Variants in SEMA4D observed in about 807,000 individuals in gnomAD.
The protein encoded by SEMA4D is semaphorin-4D.
SEMA4D carries 22 observed loss-of-function variants against 74.8 expected under a neutral mutation model. The ratio of observed to expected loss-of-function variants is 0.29; its 90% confidence interval spans 0.21 to 0.42. SEMA4D has a LOEUF of 0.42. Among genes scored for constraint, SEMA4D ranks in the 10% least tolerant of loss-of-function variants. The pLI is 1.00. For missense variants in SEMA4D, 937 were observed against 1,118.4 expected, an observed-to-expected ratio of 0.84 and a Z score of 2.31; for synonymous variants, 445 against 463.7, an observed-to-expected ratio of 0.96 and a Z score of 0.52.
At chr9:89,481,179 A>C (rs1160401697) in intron 1 of SEMA4D, among the ~76,000 whole-genome samples, 3 of 152,196 alleles carry the variant, frequency 2.0e-5, no homozygotes, top group Non-Finnish European at 2.9e-5. Context: ...GCTGAAAAAC[A>C]CCATGTTAGG....
At chr9:89,392,361 C>G in intron 8 of SEMA4D, 62 bp downstream of exon 8, 1 of 1,266,890 alleles carries the variant, frequency 7.9e-7, no homozygotes, top group Non-Finnish European at 1.1e-6. Context: ...AAGGAGAGAT[C>G]AACAGGTGTG....
Position 89,378,601 on chromosome 9 carries a change from A to G in SEMA4D, c.*103T>C, listed in dbSNP as rs1306399512. The G allele has an allele frequency of 1.2e-6, 1 of 819,644 alleles. No homozygotes were observed. Among genetic ancestry groups the G allele is most frequent in the African/African-American group, 1.7e-5 (1 of 59,316 alleles). The allele number at this position is 819,644 out of a possible 1,614,324, so 50.8% of individuals were successfully genotyped here. A position where few individuals can be genotyped will look rare whatever the true frequency, so the allele number is the denominator to read the frequency against. ...TTGTCTGCACGATGCGGGCTAACCT[A>G]CGCAGCACTGCACGAGACTCGGATA... On this transcript the variant is annotated 3_prime_UTR_variant, in exon 16 of 16. Coordinates refer to ENST00000422704, the MANE Select transcript of SEMA4D (RefSeq NM_001371194.2).
Position 89,391,453 on chromosome 9 carries a change from G to C in SEMA4D, c.623-38C>G, listed in dbSNP as rs200476277. 307 of 1,608,370 alleles carry C rather than the reference G, an allele frequency of 1.9e-4. 3 individuals carry two copies. The African/African-American group carries it at 3.8e-3, about 20-fold the overall frequency. On this transcript the variant is annotated intron_variant, in intron 8 of 15. Transcript: ENST00000422704. ...GACAGTGATTATCCCAGAACACAGA[G>C]CTGGGGGACTGCCTGCACCCATGAG...
At chr9:89,371,822 C>T (rs1355151527) in intron 16 of SEMA4D, among the ~76,000 whole-genome samples, 1 of 16,962 alleles carries the variant, frequency 5.9e-5, no homozygotes. Context: ...GTGTGTGTGT[C>T]TGGGGTGTGG....
intron 1 of SEMA4D, among the ~76,000 whole-genome samples, chr9:89,482,481 C>T (rs1824797265): frequency 6.6e-6 from 1 of 152,200 alleles, no homozygotes; most frequent in Non-Finnish European, 1.5e-5. Flanking sequence ...CCCCGCAAAG[C>T]TCAGGATAAC....
exon 19 of SEMA4D, chr9:89,362,101 G>A (rs2132157889): frequency 3.6e-6 from 2 of 556,766 alleles, no homozygotes; most frequent in Non-Finnish European, 6.5e-6. Context: ...TAGTTCACGA[G>A]CAGCTATCAA....
In SEMA4D at chr9:89,401,672, A is replaced by G. The variant is rs147765114; in HGVS notation, c.252+1199T>C. On this transcript the variant is annotated intron_variant, in intron 4 of 15. Coordinates refer to ENST00000422704, the MANE Select transcript of SEMA4D (RefSeq NM_001371194.2). Reference sequence around the variant, plus strand: ...TTGTGACACTAAAAATCAATCAAAAAACTCACTCTTGCCCTTCAGAGGGGA... The same window carrying G: ...TTGTGACACTAAAAATCAATCAAAAGACTCACTCTTGCCCTTCAGAGGGGA... 2.5e-3 allele frequency among the ~76,000 whole-genome samples: 373 copies of G among 152,178 alleles called. 2 individuals are homozygous for G. Among genetic ancestry groups the G allele is most frequent in the African/African-American group, 8.2e-3 (339 of 41,510 alleles).
chr9:89,442,148 CCA>C (rs879693757), intron 2 of SEMA4D, among the ~76,000 whole-genome samples: 11,086 of 152,136 alleles, frequency 0.073, 608 homozygotes, highest in East Asian at 0.29. Context: ...TTCCCCTGGC[CCA>C]GGACACATCT....
At chr9:89,473,341 G>A (rs895651276) in intron 1 of SEMA4D, among the ~76,000 whole-genome samples, 4 of 152,068 alleles carry the variant, frequency 2.6e-5, no homozygotes, top group Admixed American at 1.3e-4. Context: ...TTAGGAGGCC[G>A]AGGCAGGACG....
At chr9:89,430,835 G>A (rs1489349222) in intron 2 of SEMA4D, among the ~76,000 whole-genome samples, 2 of 152,170 alleles carry the variant, frequency 1.3e-5, no homozygotes, top group East Asian at 3.9e-4. Flanking sequence ...AAATTAGCTG[G>A]GTGTGGTGGC....
intron 2 of SEMA4D, among the ~76,000 whole-genome samples, chr9:89,431,345 G>A (rs563028016): frequency 6.6e-6 from 1 of 152,340 alleles, no homozygotes; most frequent in African/African-American, 2.4e-5. Context: ...GCAACCTCCA[G>A]GAGGAGGGAC....
rs1349965407 is a variant in SEMA4D, at chr9:89,403,020, T to C, written c.107-4A>G. The C allele has an allele frequency of 1.2e-6, 2 of 1,603,670 alleles. No homozygotes were observed. The highest frequency in any genetic ancestry group is 2.7e-5 in the African/African-American group (2 of 74,746). On this transcript the variant is annotated splice_region_variant and splice_polypyrimidine_tract_variant and intron_variant, in intron 3 of 15. Coordinates refer to ENST00000422704, the MANE Select transcript of SEMA4D (RefSeq NM_001371194.2). ...TGAAACTGCACCAGGTGCACCTCTG[T>C]GGGATGCAAGGGCAGGGTCAGAGTG...
rs1010725606 is a variant in SEMA4D, at chr9:89,363,336, T to C, written c.2190+94A>G. The stretch of plus-strand genomic sequence containing the variant: ...GCTAAGAGGGAACAAGTGGGGTCCA[T>C]GCTGAATGGGGCCCTTGAAAGATCC... On this transcript the variant is annotated intron_variant, in intron 18 of 18. Coordinates refer to the SEMA4D transcript ENST00000339861. 14 of 1,555,702 alleles carry C rather than the reference T, an allele frequency of 9.0e-6. No homozygotes were observed. The African/African-American group carries it at 1.9e-4, about 21-fold the overall frequency.
chr9:89,403,081 C>T, intron 3 of SEMA4D, 65 bp from the exon 4 acceptor site: 10 of 1,556,108 alleles, frequency 6.4e-6, no homozygotes, highest in Admixed American at 1.7e-5. Context: ...ATTTTTAAAC[C>T]TGAGCACATC....
chr9:89,415,314 T>C (rs1160383837), intron 2 of SEMA4D, among the ~76,000 whole-genome samples: 1 of 152,204 alleles, frequency 6.6e-6, no homozygotes, highest in Non-Finnish European at 1.5e-5. Context: ...TACTGGACAC[T>C]GGCTCCCAGG....
At chr9:89,366,105 C>T (rs1833621309) in intron 16 of SEMA4D, among the ~76,000 whole-genome samples, 1 of 152,106 alleles carries the variant, frequency 6.6e-6, no homozygotes, top group African/African-American at 2.4e-5. Flanking sequence ...AAGAAGGGGG[C>T]CACAAGTCAC....
intron 16 of SEMA4D, chr9:89,368,282 C>T (rs1310157020): frequency 2.6e-5 from 4 of 152,366 alleles, no homozygotes; most frequent in Non-Finnish European, 4.4e-5. Context: ...ATTCTCTGCA[C>T]ACAGTGCTGG....
At chr9:89,383,590 G>A (rs1319117752) in intron 13 of SEMA4D, among the ~76,000 whole-genome samples, 1 of 152,156 alleles carries the variant, frequency 6.6e-6, no homozygotes, top group Non-Finnish European at 1.5e-5. Context: ...GTGGGCGGGA[G>A]GTAGGAGGGT....
At position 89,386,561 on chromosome 9, in the gene SEMA4D, A is replaced by T. The variant is rs957383187; in HGVS notation, c.1331-79T>A. ...GACAGTGACCACAGCGGCAAACTTC[A>T]CACTCTTCACTCTCAAGTCATTCCC... On this transcript the variant is annotated intron_variant, in intron 12 of 15. Coordinates refer to ENST00000422704, the MANE Select transcript of SEMA4D (RefSeq NM_001371194.2). 6.1e-6 allele frequency: 5 copies of T among 818,444 alleles called. No individual in the cohort carries two copies. The African/African-American group carries it at 8.4e-5, about 14-fold the overall frequency. 50.7% of individuals were successfully genotyped at this position (818,444 alleles called of 1,614,324 possible). A position where few individuals can be genotyped will look rare whatever the true frequency, so the allele number is the denominator to read the frequency against.
Sources: gnomAD v4.1 joint callset for allele counts (sites outside exome capture counted in the v4.1 genomes callset) on GRCh38, gnomAD v4.1.1 for gene constraint, MANE v1.5 for transcripts, NCBI Gene and HGNC (gene_info 2026-07-23, HGNC 2026-07-21) for gene names.